The following TLN2 variants were observed in gnomAD, a reference collection of about 807,000 sequenced individuals.
TLN2 encodes talin-2.
Under a neutral mutation model 294.7 loss-of-function variants are expected in TLN2, and 118 were observed. The ratio of observed to expected loss-of-function variants is 0.40; its 90% CI spans 0.34 to 0.47. The LOEUF (loss-of-function observed/expected upper bound fraction) is 0.47. Among genes scored for constraint, TLN2 ranks in the 20% least tolerant of loss-of-function variants. The probability of loss-of-function intolerance (pLI) is 0.84; values close to 1 mark genes in which losing one functional copy is unlikely to be tolerated. For missense variants in TLN2, 3,083 were observed against 3,282.2 expected (o/e 0.94, Z 1.48); for synonymous variants, 1,431 against 1,304.5 (o/e 1.10, Z -2.09).
At chr15:62,717,837 G>A (rs943031006) in intron 24 of TLN2, 148 bp downstream of exon 24, 11 of 531,266 alleles carry the variant, frequency 2.1e-5, no homozygotes, top group East Asian at 3.4e-5. Context: ...GTGTCTACAC[G>A]TCTGGTTTTT....
intron 37 of TLN2, among the ~76,000 whole-genome samples, chr15:62,757,692 G>T (rs1220622808): frequency 6.6e-6 from 1 of 152,180 alleles, no homozygotes; most frequent in Non-Finnish European, 1.5e-5. Flanking sequence ...AGATAGGCCT[G>T]TGCAGAACAT....
chr15:62,529,957 T>C (rs1384583569), intron 1 of TLN2, among the ~76,000 whole-genome samples: 1 of 152,112 alleles, frequency 6.6e-6, no homozygotes, highest in Non-Finnish European at 1.5e-5. Flanking sequence ...TTTGGGAGGC[T>C]AAGGGGGGCG....
At chr15:62,495,395 G>C (rs1032016721) in intron 1 of TLN2, among the ~76,000 whole-genome samples, 18 of 152,188 alleles carry the variant, frequency 1.2e-4, no homozygotes, top group African/African-American at 4.1e-4. Context: ...GACCCTGCCT[G>C]TTGACCCCAA....
chr15:62,803,854 A>G (rs1047808354), intron 50 of TLN2, among the ~76,000 whole-genome samples: 1 of 152,108 alleles, frequency 6.6e-6, no homozygotes, highest in Admixed American at 6.5e-5. Flanking sequence ...ATAGGTGTTC[A>G]TTTGTGTCTA....
At chr15:62,725,474 G>A (rs574508578) in intron 27 of TLN2, among the ~76,000 whole-genome samples, 71 of 152,206 alleles carry the variant, frequency 4.7e-4, no homozygotes, top group African/African-American at 1.6e-3. Context: ...GGCAAAGTGC[G>A]TCCATACAGG....
chr15:62,733,611 A>G lies in TLN2; in HGVS notation c.3359-3267A>G, dbSNP rs139158743. 2.2e-4 allele frequency among the ~76,000 whole-genome samples: 33 copies of G among 152,344 alleles called. 1 individual carries two copies. In the East Asian group the frequency reaches 4.8e-3, roughly 22 times the overall value. ...CTGGTCTTTGTCTTCTGAGGTTGCT[A>G]TGTGGCCCAATACTGTCTGGATACA... On this transcript the variant is annotated intron_variant, in intron 28 of 58. Coordinates refer to ENST00000636159, the MANE Select transcript of TLN2 (RefSeq NM_015059.3).
At chr15:62,631,639 CTCTT>C (rs2049892806) in intron 3 of TLN2, among the ~76,000 whole-genome samples, 1 of 127,244 alleles carries the variant, frequency 7.9e-6, no homozygotes, top group Non-Finnish European at 1.7e-5. Flanking sequence ...CCCTTTCTTT[CTCTT>C]TCTTTCCTTC....
chr15:62,739,311 A>G (rs1404201962), intron 30 of TLN2, 37 bp from the exon 31 acceptor site: 1 of 1,586,936 alleles, frequency 6.3e-7, no homozygotes, highest in Admixed American at 1.7e-5. Context: ...CCTGCAAAGC[A>G]GAATGTCTCA....
At position 62,722,334 on chromosome 15, in the gene TLN2, T is replaced by C. The variant is rs979097914; in HGVS notation, c.2992-19T>C. On this transcript the variant is annotated intron_variant, in intron 25 of 58. Coordinates refer to ENST00000636159, the MANE Select transcript of TLN2 (RefSeq NM_015059.3). ...TTGCTGCCCAGGAGCCATCTTACTT[T>C]CTTTTCATCTCTCTATAGCCTGGAA... The C allele has an allele frequency of 6.3e-7, 1 of 1,592,434 alleles. No homozygotes were observed. Among genetic ancestry groups the C allele is most frequent in the Non-Finnish European group, 8.6e-7 (1 of 1,164,252 alleles).
At chr15:62,523,905 T>C (rs561773120) in intron 1 of TLN2, among the ~76,000 whole-genome samples, 2 of 152,326 alleles carry the variant, frequency 1.3e-5, no homozygotes, top group East Asian at 3.9e-4. Flanking sequence ...CTTTCCTGTA[T>C]TGAACATACC....
intron 1 of TLN2, among the ~76,000 whole-genome samples, chr15:62,580,403 C>T (rs1014953322): frequency 9.1e-6 from 1 of 109,996 alleles, no homozygotes; most frequent in Admixed American, 8.5e-5. Flanking sequence ...CCCCTCTCTA[C>T]CTCCCTCCCT....
At position 62,844,473 on chromosome 15, in the gene TLN2, T is replaced by C. The variant is rs962580188; in HGVS notation, c.*3863T>C. On this transcript the variant is annotated 3_prime_UTR_variant, in exon 59 of 59. Transcript: ENST00000636159. ...CTCTTCATCCCACAAAACACGAGGCTGGGTCTCATTCAGCGGCCTCTCACC... is the reference window on the plus strand; with the variant it reads ...CTCTTCATCCCACAAAACACGAGGCCGGGTCTCATTCAGCGGCCTCTCACC... 6.6e-6 allele frequency: 1 copy of C among 152,142 alleles called. No homozygotes were observed. 9.4% of individuals were successfully genotyped at this position (152,142 alleles called of 1,614,324 possible). A position where few individuals can be genotyped will look rare whatever the true frequency, so the allele number is the denominator to read the frequency against.
In TLN2 at chr15:62,673,072, T is replaced by G. The variant is rs929714721; in HGVS notation, c.789-755T>G. On this transcript the variant is annotated intron_variant, in intron 9 of 58. Transcript: ENST00000636159. ...TATATAATGTAATATCCTAATTTAA[T>G]TGTGTGTGTGTGTGTGTGTGTGTGT... Among the ~76,000 whole-genome samples the G allele has an allele frequency of 5.5e-5, 8 of 144,902 alleles. No homozygotes were observed. In the East Asian group the frequency reaches 6.0e-4, roughly 11 times the overall value.
At chr15:62,840,332 G>A in intron 58 of TLN2, 150 bp from the exon 59 acceptor site, 1 of 1,156,142 alleles carries the variant, frequency 8.6e-7, no homozygotes, top group South Asian at 1.6e-5. Flanking sequence ...AACAGTGACA[G>A]AGGCTGGTCG....
chr15:62,777,330 A>G (rs557800338), intron 43 of TLN2, among the ~76,000 whole-genome samples: 182 of 152,236 alleles, frequency 1.2e-3, no homozygotes, highest in Non-Finnish European at 1.8e-3. Context: ...TGAGGTCGGG[A>G]GTTCGAGACC....
chr15:62,724,865 G>A (rs2060351440), intron 26 of TLN2, 111 bp from the exon 27 acceptor site: 9 of 1,356,604 alleles, frequency 6.6e-6, no homozygotes, highest in Middle Eastern at 4.7e-4. Context: ...CCTCCTGCTG[G>A]ATTTGGAGAA....
intron 3 of TLN2, among the ~76,000 whole-genome samples, chr15:62,628,720 G>A (rs2049506165): frequency 6.6e-6 from 1 of 152,196 alleles, no homozygotes; most frequent in Non-Finnish European, 1.5e-5. Flanking sequence ...AACCGGAGCA[G>A]ACAGTCCTGG....
Position 62,725,022 on chromosome 15 carries a change from C to G in TLN2, c.3173C>G (p.Thr1058Arg). 1.2e-6 allele frequency: 2 copies of G among 1,613,350 alleles called. No homozygotes were observed. Among genetic ancestry groups the G allele is most frequent in the Non-Finnish European group, 1.7e-6 (2 of 1,179,760 alleles). The change falls in exon 27 of 59, where the codon ACG becomes AGG. Residue 1058 changes from threonine (T) to arginine (R), a missense_variant. Thr to Arg is a moderately conservative substitution (Grantham distance 71). Transcript: ENST00000636159. Reference sequence around the variant, plus strand: ...ATGGAAATCGATTCAGCTCTGAATACGGTGCAGACGCTTAAGAATGAACTG... The same window carrying G: ...ATGGAAATCGATTCAGCTCTGAATAGGGTGCAGACGCTTAAGAATGAACTG... Reference protein sequence around the residue: ...GPMEIDSALNTVQTLKNELQD... With the variant: ...GPMEIDSALNRVQTLKNELQD...
intron 1 of TLN2, among the ~76,000 whole-genome samples, chr15:62,471,211 C>T (rs2037453436): frequency 6.6e-6 from 1 of 152,146 alleles, no homozygotes. Context: ...ATGGCGTGTG[C>T]CTGTAGTCCC....
Sources: gnomAD v4.1 joint callset for allele counts (sites outside exome capture counted in the v4.1 genomes callset) on GRCh38, gnomAD v4.1.1 for gene constraint, MANE v1.5 for transcripts, NCBI Gene and HGNC (gene_info 2026-07-23, HGNC 2026-07-21) for gene names.